CELA3A: variants seen among roughly 807,000 people sequenced by gnomAD.
CELA3A encodes chymotrypsin like elastase 3A.
CELA3A carries 35 observed loss-of-function variants against 38.6 expected under a neutral mutation model. The ratio of observed to expected loss-of-function variants is 0.91; its 90% CI spans 0.69 to 1.20. The LOEUF is 1.20. Among genes scored for constraint, CELA3A ranks in the 50% most tolerant of loss-of-function variants. The pLI, the probability that CELA3A is intolerant of heterozygous loss-of-function variation, is 0.00. For synonymous variants in CELA3A, 143 were observed against 136.7 expected, an observed-to-expected ratio of 1.05 and a Z score of -0.32; for missense variants, 343 against 354.2, an observed-to-expected ratio of 0.97 and a Z score of 0.25.
In CELA3A at chr1:22,007,331, T is replaced by G; in HGVS notation, c.500-42T>G. ...CCCCTTCCTCTGGGGCACCTAGCGG[T>G]GTGCCCCCAGACCCCTGACTCGGTG... On this transcript the variant is annotated intron_variant, in intron 5 of 7. Coordinates refer to ENST00000290122, the MANE Select transcript of CELA3A (RefSeq NM_005747.5). The G allele has an allele frequency of 3.2e-6, 5 of 1,576,070 alleles. 1 individual carries two copies. The highest frequency in any genetic ancestry group is 3.4e-6 in the Non-Finnish European group (4 of 1,161,246).
In CELA3A at chr1:22,007,138, A is replaced by T. The variant is rs1000114694; in HGVS notation, c.499+124A>T. 5.3e-5 allele frequency: 77 copies of T among 1,462,576 alleles called. 1 individual carries two copies. In the Admixed American group the frequency reaches 6.0e-4, roughly 11 times the overall value. 90.6% of individuals were successfully genotyped at this position (1,462,576 alleles called of 1,614,324 possible). A position where few individuals can be genotyped will look rare whatever the true frequency, so the allele number is the denominator to read the frequency against. On this transcript the variant is annotated intron_variant, in intron 5 of 7. Transcript: ENST00000290122. Reference sequence around the variant, plus strand: ...TTTTCTCCCATTTCTCTCCAGCTGCAGCCTTCTTCCATCAACCTCCAAAAC... The same window carrying T: ...TTTTCTCCCATTTCTCTCCAGCTGCTGCCTTCTTCCATCAACCTCCAAAAC...
In CELA3A at chr1:22,004,319, T is replaced by C. The variant is rs377381896; in HGVS notation, c.130-1128T>C. Among the ~76,000 whole-genome samples, 110 of 146,898 alleles carry C rather than the reference T, an allele frequency of 7.5e-4. 5 individuals are homozygous for C. Among genetic ancestry groups the C allele is most frequent in the African/African-American group, 2.0e-3 (78 of 39,710 alleles). On this transcript the variant is annotated intron_variant, in intron 2 of 7. Transcript: ENST00000290122. Reference sequence around the variant, plus strand: ...AACTTCTGAGCTCCAGTGATCCTCCTGTCTTGACCTCCCACAGTGCTGGGA... The same window carrying C: ...AACTTCTGAGCTCCAGTGATCCTCCCGTCTTGACCTCCCACAGTGCTGGGA...
chr1:22,008,152 C>CCTTTTTTTTTT (rs534012370), intron 6 of CELA3A, among the ~76,000 whole-genome samples: 1 of 86,844 alleles, frequency 1.2e-5, no homozygotes, highest in Non-Finnish European at 2.4e-5. Flanking sequence ...GACGTTGTCT[C>CCTTTTTTTTTT]TTTTTTTTTT....
At chr1:22,003,766 C>T (rs759678929) in intron 2 of CELA3A, among the ~76,000 whole-genome samples, 9 of 150,340 alleles carry the variant, frequency 6.0e-5, no homozygotes, top group Non-Finnish European at 1.3e-4. Flanking sequence ...AGTGCAATGG[C>T]ACAATCTTGG....
In CELA3A at chr1:22,007,420, G is replaced by A. The variant is rs779496938; in HGVS notation, c.547G>A (p.Val183Met). The A allele has an allele frequency of 4.3e-5, 69 of 1,612,576 alleles. 1 individual carries two copies. The highest frequency in any genetic ancestry group is 1.7e-4 in the Middle Eastern group (1 of 6,060). Residue 183 changes from valine to methionine, a missense_variant, in exon 6 of 8, where the codon GTG becomes ATG. Val to Met is a conservative substitution (Grantham distance 21, BLOSUM62 1). Transcript: ENST00000290122. ...GCTGCAGCAGGCCCGGCTGCCCGTG[G>A]TGGACTATAAGCACTGCTCCAGGTG... Reference protein sequence around the residue: ...DKLQQARLPVVDYKHCSRWNW... With the variant: ...DKLQQARLPVMDYKHCSRWNW...
At position 22,006,814 on chromosome 1, in the gene CELA3A, G is replaced by A. The variant is rs572466160; in HGVS notation, c.363-64G>A. 15 of 1,586,516 alleles carry A rather than the reference G, an allele frequency of 9.5e-6. No individual in the cohort carries two copies. In the African/African-American group the frequency reaches 9.5e-5, roughly 10 times the overall value. The stretch of plus-strand genomic sequence containing the variant: ...CAGAGGTGGAATAGCCTGGAGCAAC[G>A]GCTAGAAGGTAGGACTTGGGCCGGC... On this transcript the variant is annotated intron_variant, in intron 4 of 7. Transcript: ENST00000290122.
intron 2 of CELA3A, among the ~76,000 whole-genome samples, chr1:22,004,051 TTTTTC>T (rs755643937): frequency 6.2e-5 from 9 of 144,610 alleles, no homozygotes; most frequent in Admixed American, 2.1e-4. Context: ...CCTCAGTGCT[TTTTTC>T]TTTTCTTTTC....
intron 5 of CELA3A, 30 bp downstream of exon 5, chr1:22,007,044 G>C: frequency 6.2e-7 from 1 of 1,608,426 alleles, no homozygotes; most frequent in Non-Finnish European, 8.5e-7. Flanking sequence ...GCTGGCCACA[G>C]AGACAGTGGC....
chr1:22,010,165 A>G, intron 7 of CELA3A: 2 of 405,432 alleles, frequency 4.9e-6, no homozygotes, highest in South Asian at 2.1e-5. Context: ...GCCAGACAAG[A>G]GGCTGCCTGG....
At chr1:22,010,846 A>T (rs1644979386) in intron 7 of CELA3A, 1 of 149,780 alleles carries the variant, frequency 6.7e-6, no homozygotes, top group Admixed American at 6.7e-5. Context: ...CCCAGGTCAG[A>T]AACAGAGCAG....
intron 6 of CELA3A, among the ~76,000 whole-genome samples, chr1:22,009,454 A>G (rs1644970328): frequency 6.6e-6 from 1 of 151,392 alleles, no homozygotes; most frequent in African/African-American, 2.4e-5. Context: ...CTGAAGCAGG[A>G]GAATCACTTG....
intron 7 of CELA3A, chr1:22,010,615 C>CAAAA (rs34671458): frequency 6.9e-5 from 5 of 72,586 alleles, no homozygotes; most frequent in African/African-American, 1.7e-4. Flanking sequence ...GACTCCGTCT[C>CAAAA]AAAAAAAAAA....
Position 22,007,488 on chromosome 1 carries a change from T to A in CELA3A, c.615T>A (p.Ala205=). Residue 205 remains alanine, a synonymous_variant, in exon 6 of 8, where the codon GCT becomes GCA. Coordinates refer to ENST00000290122, the MANE Select transcript of CELA3A (RefSeq NM_005747.5). ...GSTVKKTMVC[A]GGYIRSGCNG... is the part of the protein sequence containing the mutation. The stretch of plus-strand genomic sequence containing the variant: ...CCGTGAAGAAAACCATGGTGTGTGC[T>A]GGAGGGTACATCCGCTCCGGCTGCA... The A allele has an allele frequency of 6.2e-7, 1 of 1,611,912 alleles. No individual in the cohort carries two copies. Among genetic ancestry groups the A allele is most frequent in the Middle Eastern group, 1.7e-4 (1 of 6,034 alleles).
Position 22,009,739 on chromosome 1 carries a change from AG to A in CELA3A, c.679del (p.Asp227MetfsTer9). ...DSGGPLNCPT[E>X]DGGWQVHGVT... ...GGAGGACCCCTCAACTGCCCCACAG[AG>A]GATGGTGGCTGGCAGGTCCACGGTG... On this transcript the variant is annotated frameshift_variant, in exon 7 of 8. Coordinates refer to ENST00000290122, the MANE Select transcript of CELA3A (RefSeq NM_005747.5). LOFTEE classifies it high-confidence loss of function. 6.2e-7 allele frequency: 1 copy of A among 1,612,152 alleles called. No homozygotes were observed. Among genetic ancestry groups the A allele is most frequent in the Non-Finnish European group, 8.5e-7 (1 of 1,179,406 alleles).
At chr1:22,009,938 G>A in intron 7 of CELA3A, 81 bp downstream of exon 7, 2 of 1,533,642 alleles carry the variant, frequency 1.3e-6, no homozygotes, top group South Asian at 1.3e-5. Flanking sequence ...TCGGATCCTG[G>A]GGAGGGCCTG....
intron 2 of CELA3A, among the ~76,000 whole-genome samples, chr1:22,003,980 A>C (rs1298873225): frequency 6.6e-6 from 1 of 150,996 alleles, no homozygotes; most frequent in Admixed American, 6.6e-5. Context: ...CTGGGATTAC[A>C]GGTGTGAGTC....
Position 22,003,099 on chromosome 1 carries a change from T to C in CELA3A, c.129+11T>C. On this transcript the variant is annotated intron_variant, in intron 2 of 7. Coordinates refer to ENST00000290122, the MANE Select transcript of CELA3A (RefSeq NM_005747.5). ...AGCTGGCCCTGGCAGGTAAGAGCAA[T>C]AGCAGCTGCCCTCATTCCCACCGTG... 1.3e-6 allele frequency: 2 copies of C among 1,575,942 alleles called. No homozygotes were observed. The highest frequency in any genetic ancestry group is 1.7e-6 in the Non-Finnish European group (2 of 1,165,524).
chr1:22,007,452 G>A lies in CELA3A; in HGVS notation c.579G>A (p.Trp193Ter). 1 of 1,612,608 alleles carries A rather than the reference G, an allele frequency of 6.2e-7. No homozygotes were observed. The highest frequency in any genetic ancestry group is 2.2e-5 in the East Asian group (1 of 44,718). The stretch of plus-strand genomic sequence containing the variant: ...ATAAGCACTGCTCCAGGTGGAACTG[G>A]TGGGGTTCCACCGTGAAGAAAACCA... ...VDYKHCSRWN[W>*]WGSTVKKTMV... Residue 193 changes from tryptophan (W) to a stop codon, truncating the protein, a stop_gained, in exon 6 of 8, where the codon TGG (tryptophan) becomes TGA (stop). Coordinates refer to ENST00000290122, the MANE Select transcript of CELA3A (RefSeq NM_005747.5). LOFTEE classifies it high-confidence loss of function.
At chr1:22,009,324 A>C (rs1317466385) in intron 6 of CELA3A, among the ~76,000 whole-genome samples, 2 of 151,312 alleles carry the variant, frequency 1.3e-5, no homozygotes, top group Non-Finnish European at 2.9e-5. Flanking sequence ...AGATCCTGCC[A>C]CTGTACTCCA....
Sources: gnomAD v4.1 joint callset for allele counts (sites outside exome capture counted in the v4.1 genomes callset) on GRCh38, gnomAD v4.1.1 for gene constraint, MANE v1.5 for transcripts, NCBI Gene and HGNC (gene_info 2026-07-23, HGNC 2026-07-21) for gene names.